Variants in TRPM3 observed in about 807,000 individuals in gnomAD.
TRPM3 encodes the protein long transient receptor potential channel 3.
TRPM3 carries 77 observed loss-of-function variants against 181.2 expected under a neutral mutation model. The ratio of observed to expected loss-of-function variants is 0.42; its 90% CI spans 0.35 to 0.51. The LOEUF is 0.51. Ranked by LOEUF, TRPM3 falls within the 20% of genes least tolerant of loss-of-function variation. TRPM3 has a pLI of 0.01. For synonymous variants in TRPM3, 745 were observed against 796.4 expected, an observed-to-expected ratio of 0.94 and a Z score of 1.09; for missense variants, 1,759 against 2,196.7, an observed-to-expected ratio of 0.80 and a Z score of 3.98.
chr9:71,321,804 T>G (rs998778031), intron 1 of TRPM3, among the ~76,000 whole-genome samples: 1 of 152,108 alleles, frequency 6.6e-6, no homozygotes, highest in East Asian at 1.9e-4. Context: ...AATTAGTCCA[T>G]GTACATTAAT....
At position 70,579,965 on chromosome 9, in the gene TRPM3, C is replaced by T. The variant is rs149907997; in HGVS notation, c.3223+11066G>A. ...AGCCATCAGCTTCCACGTCACCTGC[C>T]CCCATTTCAACGCCCCTTCCCTGAA... On this transcript the variant is annotated intron_variant, in intron 22 of 25. Transcript: ENST00000677713. Among the ~76,000 whole-genome samples the T allele has an allele frequency of 7.2e-5, 11 of 152,294 alleles. No homozygotes were observed. The East Asian group carries it at 1.9e-3, about 27-fold the overall frequency.
intron 1 of TRPM3, among the ~76,000 whole-genome samples, chr9:71,107,492 C>T (rs889750871): frequency 6.6e-6 from 1 of 152,120 alleles, no homozygotes; most frequent in African/African-American, 2.4e-5. Context: ...TTCTTTGTCT[C>T]CTCAATTCCA....
At position 71,205,006 on chromosome 9, in the gene TRPM3, T is replaced by C. The variant is rs1416118979; in HGVS notation, c.183+241647A>G. 4.6e-5 allele frequency among the ~76,000 whole-genome samples: 7 copies of C among 151,870 alleles called. No homozygotes were observed. In the East Asian group the frequency reaches 1.4e-3, roughly 30 times the overall value. ...CATGTTCTCACTCATAGATGGGAAT[T>C]GAACAATGAGAACACATGGACACAG... On this transcript the variant is annotated intron_variant, in intron 1 of 24. Coordinates refer to the TRPM3 transcript ENST00000357533.
At chr9:70,699,744 G>C (rs1290457313) in intron 8 of TRPM3, among the ~76,000 whole-genome samples, 2 of 152,174 alleles carry the variant, frequency 1.3e-5, no homozygotes, top group East Asian at 3.9e-4. Context: ...CTTGGAGTGA[G>C]GATTGGAGGT....
chr9:70,591,439 A>G (rs948067522), intron 21 of TRPM3, among the ~76,000 whole-genome samples: 1 of 152,190 alleles, frequency 6.6e-6, no homozygotes, highest in Non-Finnish European at 1.5e-5. Context: ...GCACACACAG[A>G]TGAAGCCTCT....
intron 1 of TRPM3, among the ~76,000 whole-genome samples, chr9:71,130,101 T>C (rs900817923): frequency 4.6e-5 from 7 of 152,220 alleles, no homozygotes; most frequent in Non-Finnish European, 1.0e-4. Context: ...CCAACTTTGA[T>C]TCCTACCTGC....
intron 1 of TRPM3, among the ~76,000 whole-genome samples, chr9:71,411,876 C>G (rs985690480): frequency 2.6e-5 from 4 of 152,210 alleles, no homozygotes; most frequent in East Asian, 3.8e-4. Flanking sequence ...ACCAAAACAG[C>G]ATGGTACTGG....
chr9:71,040,194 C>A (rs903125691), intron 1 of TRPM3, among the ~76,000 whole-genome samples: 3 of 152,140 alleles, frequency 2.0e-5, no homozygotes, highest in Non-Finnish European at 4.4e-5. Flanking sequence ...AAACCAAAAT[C>A]TCTTATGTCT....
intron 8 of TRPM3, among the ~76,000 whole-genome samples, chr9:70,747,990 G>C (rs918303003): frequency 2.0e-5 from 3 of 152,104 alleles, no homozygotes; most frequent in African/African-American, 7.2e-5. Context: ...AAAGGGAAAA[G>C]AGCCAATAAT....
At chr9:70,996,030 C>T (rs1358171044) in intron 1 of TRPM3, among the ~76,000 whole-genome samples, 1 of 152,136 alleles carries the variant, frequency 6.6e-6, no homozygotes, top group African/African-American at 2.4e-5. Context: ...GGACTGAGAA[C>T]AGCTGAAGGG....
At chr9:71,015,532 G>T (rs1184556414) in intron 1 of TRPM3, among the ~76,000 whole-genome samples, 2 of 152,146 alleles carry the variant, frequency 1.3e-5, no homozygotes, top group Non-Finnish European at 2.9e-5. Context: ...CTAAGAATGT[G>T]CTATAAGCAA....
intron 17 of TRPM3, among the ~76,000 whole-genome samples, chr9:70,616,489 A>T (rs2062789085): frequency 6.9e-6 from 1 of 145,938 alleles, no homozygotes; most frequent in Non-Finnish European, 1.5e-5. Context: ...TGTGAAATCA[A>T]TTCATACATC....
intron 1 of TRPM3, among the ~76,000 whole-genome samples, chr9:71,176,702 C>T (rs1229041497): frequency 6.6e-6 from 1 of 152,128 alleles, no homozygotes; most frequent in African/African-American, 2.4e-5. Flanking sequence ...GAGCAACTTC[C>T]AGTCCTGCGA....
rs543225246 is a variant in TRPM3, at chr9:70,795,237, A to G, written c.974-10958T>C. ...ATATTGATATTCTATACAGCATTTA[A>G]TACACAGAGTAGGTATATAATTCAC... On this transcript the variant is annotated intron_variant, in intron 6 of 25. Coordinates refer to ENST00000677713, the MANE Select transcript of TRPM3 (RefSeq NM_001366145.2). 9.8e-5 allele frequency among the ~76,000 whole-genome samples: 15 copies of G among 152,354 alleles called. No individual in the cohort carries two copies. In the East Asian group the frequency reaches 2.7e-3, roughly 27 times the overall value.
chr9:70,581,906 C>A (rs1268441489), intron 22 of TRPM3, among the ~76,000 whole-genome samples: 1 of 150,214 alleles, frequency 6.7e-6, no homozygotes, highest in Non-Finnish European at 1.5e-5. Flanking sequence ...CTCCTTCCCT[C>A]CCTTCTTCAT....
intron 1 of TRPM3, among the ~76,000 whole-genome samples, chr9:70,886,999 T>C (rs911656440): frequency 1.3e-5 from 2 of 152,186 alleles, no homozygotes; most frequent in Non-Finnish European, 2.9e-5. Context: ...ATAACTGCAA[T>C]TGACAGGAAA....
intron 7 of TRPM3, among the ~76,000 whole-genome samples, chr9:70,781,959 T>C (rs1674841769): frequency 6.6e-6 from 1 of 151,932 alleles, no homozygotes; most frequent in Non-Finnish European, 1.5e-5. Flanking sequence ...AATGCTGAGG[T>C]GAACAGTGTA....
intron 5 of TRPM3, among the ~76,000 whole-genome samples, chr9:70,831,966 T>A (rs113386047): frequency 2.1e-4 from 11 of 52,140 alleles, no homozygotes; most frequent in African/African-American, 5.5e-4. Flanking sequence ...CCCATAAATA[T>A]ATATATATAT....
At chr9:71,298,212 T>C (rs1210073084) in intron 1 of TRPM3, among the ~76,000 whole-genome samples, 2 of 152,202 alleles carry the variant, frequency 1.3e-5, no homozygotes, top group African/African-American at 4.8e-5. Flanking sequence ...ATATAAGATA[T>C]ATTCGACCTT....
Sources: gnomAD v4.1 joint callset for allele counts (sites outside exome capture counted in the v4.1 genomes callset) on GRCh38, gnomAD v4.1.1 for gene constraint, MANE v1.5 for transcripts, NCBI Gene and HGNC (gene_info 2026-07-23, HGNC 2026-07-21) for gene names.